Variants in CALCR observed in about 807,000 individuals in gnomAD.
CALCR encodes calcitonin receptor.
Under a neutral mutation model 59.5 loss-of-function variants are expected in CALCR, and 47 were observed. That is an observed-to-expected ratio of 0.79 (90% confidence interval 0.63 to 1.01). The LOEUF is 1.01. Ranked by LOEUF, CALCR falls within the 50% of genes least tolerant of loss-of-function variation. The pLI is 0.00. For missense variants in CALCR, 566 were observed against 597.1 expected (o/e 0.95, Z 0.54); for synonymous variants, 213 against 211.3 (o/e 1.01, Z -0.07).
At chr7:93,485,235 C>A (rs1800915692) in intron 3 of CALCR, among the ~76,000 whole-genome samples, 1 of 151,516 alleles carries the variant, frequency 6.6e-6, no homozygotes, top group Non-Finnish European at 1.5e-5. Flanking sequence ...AGCACAAACC[C>A]ATTTAAGTGC....
At position 93,528,241 on chromosome 7, in the gene CALCR, A is replaced by G. The variant is rs547935435; in HGVS notation, c.-26-41234T>C. 7.9e-5 allele frequency among the ~76,000 whole-genome samples: 12 copies of G among 152,336 alleles called. No individual in the cohort carries two copies. In the East Asian group the frequency reaches 2.1e-3, roughly 27 times the overall value. On this transcript the variant is annotated intron_variant, in intron 2 of 13. Coordinates refer to ENST00000426151, the MANE Select transcript of CALCR (RefSeq NM_001742.4). ...GCCTAGAACAATGTCTGTTCAAAGT[A>G]CATGCTCAATAAGTATTTGGAATAT...
At chr7:93,569,760 G>A (rs1389906330) in intron 2 of CALCR, among the ~76,000 whole-genome samples, 1 of 152,100 alleles carries the variant, frequency 6.6e-6, no homozygotes, top group East Asian at 1.9e-4. Flanking sequence ...ATGGAAATTT[G>A]TTAGATGTGT....
At chr7:93,447,729 T>C (rs936783967) in intron 8 of CALCR, among the ~76,000 whole-genome samples, 1 of 152,108 alleles carries the variant, frequency 6.6e-6, no homozygotes, top group African/African-American at 2.4e-5. Flanking sequence ...TAAGGAATAC[T>C]ATCTTGCCAT....
chr7:93,470,832 A>G (rs1004688727), intron 6 of CALCR, among the ~76,000 whole-genome samples: 3 of 151,656 alleles, frequency 2.0e-5, no homozygotes, highest in African/African-American at 7.3e-5. Flanking sequence ...TGTGCAGGTT[A>G]GTTACATATG....
intron 2 of CALCR, among the ~76,000 whole-genome samples, chr7:93,572,995 T>C (rs1790040953): frequency 6.6e-6 from 1 of 152,152 alleles, no homozygotes; most frequent in Non-Finnish European, 1.5e-5. Context: ...GGCTGATGGA[T>C]GTTTTGAGTT....
rs1156506688 is a variant in CALCR at position 93,540,721 on chromosome 7, A to ATATATTTATATTATATAATAT, written c.-27+33547_-27+33567dup. ...TTATATATTATATTTTATATATATT[A>ATATATTTATATTATATAATAT]TATATTTATATTATATAATATTATA... is the stretch of plus-strand genomic sequence containing the variant. On this transcript the variant is annotated intron_variant, in intron 2 of 13. Coordinates refer to ENST00000426151, the MANE Select transcript of CALCR (RefSeq NM_001742.4). Among the ~76,000 whole-genome samples, 249 of 59,946 alleles carry ATATATTTATATTATATAATAT rather than the reference A, an allele frequency of 4.2e-3. 1 individual carries two copies. The Middle Eastern group carries it at 0.048, about 12-fold the overall frequency. The allele number at this position is 59,946 out of a possible 152,430, so 39.3% of individuals were successfully genotyped here.
At chr7:93,470,258 T>C (rs548460265) in intron 6 of CALCR, among the ~76,000 whole-genome samples, 1 of 147,720 alleles carries the variant, frequency 6.8e-6, no homozygotes, top group Non-Finnish European at 1.5e-5. Flanking sequence ...AGGAATCTTA[T>C]ACACACACAC....
At chr7:93,566,360 G>A (rs2116281075) in intron 2 of CALCR, among the ~76,000 whole-genome samples, 1 of 152,176 alleles carries the variant, frequency 6.6e-6, no homozygotes. Context: ...CTGGAATTTG[G>A]TTATAGGTAT....
At chr7:93,484,066 G>A (rs769303826) in intron 3 of CALCR, 2 of 477,986 alleles carry the variant, frequency 4.2e-6, no homozygotes, top group Non-Finnish European at 9.0e-6. Flanking sequence ...TTTTTCAGTC[G>A]ACAAATACTT....
At chr7:93,460,560 A>ATATATATATATAT (rs1800296863) in intron 8 of CALCR, among the ~76,000 whole-genome samples, 1 of 79,914 alleles carries the variant, frequency 1.3e-5, no homozygotes, top group African/African-American at 8.9e-5. Flanking sequence ...TATCTAAAAA[A>ATATATATATATAT]AAAAAAAAAA....
At chr7:93,571,325 T>C (rs1014036806) in intron 2 of CALCR, among the ~76,000 whole-genome samples, 2 of 152,282 alleles carry the variant, frequency 1.3e-5, no homozygotes, top group Admixed American at 6.5e-5. Flanking sequence ...ATATGACTTA[T>C]TTGTCTATGT....
intron 2 of CALCR, among the ~76,000 whole-genome samples, chr7:93,499,041 G>T (rs527551999): frequency 6.6e-6 from 1 of 151,680 alleles, no homozygotes; most frequent in African/African-American, 2.4e-5. Flanking sequence ...ATCTTTCTGG[G>T]CATGCATTTC....
chr7:93,502,356 A>C (rs930977882), intron 2 of CALCR, among the ~76,000 whole-genome samples: 11 of 152,188 alleles, frequency 7.2e-5, no homozygotes, highest in African/African-American at 2.7e-4. Context: ...AACAGTTCTT[A>C]CTTCAAAATC....
At chr7:93,517,239 A>C (rs1801668383) in intron 2 of CALCR, among the ~76,000 whole-genome samples, 1 of 151,828 alleles carries the variant, frequency 6.6e-6, no homozygotes, top group Non-Finnish European at 1.5e-5. Context: ...TTCTAACCTC[A>C]GGAAATCTGA....
At chr7:93,558,777 G>T (rs1789669705) in intron 2 of CALCR, among the ~76,000 whole-genome samples, 1 of 152,086 alleles carries the variant, frequency 6.6e-6, no homozygotes, top group South Asian at 2.1e-4. Context: ...TTGAACTGTG[G>T]AAACGATGGG....
intron 7 of CALCR, among the ~76,000 whole-genome samples, chr7:93,465,023 AC>A (rs1178025316): frequency 6.6e-6 from 1 of 151,970 alleles, no homozygotes; most frequent in Non-Finnish European, 1.5e-5. Flanking sequence ...CGTAATGTAG[AC>A]AATAAAATGA....
At chr7:93,476,569 A>G (rs1160387266) in intron 5 of CALCR, among the ~76,000 whole-genome samples, 1 of 151,860 alleles carries the variant, frequency 6.6e-6, no homozygotes, top group Non-Finnish European at 1.5e-5. Flanking sequence ...CAGGCTGAAA[A>G]GATGGATCGA....
intron 9 of CALCR, among the ~76,000 whole-genome samples, chr7:93,439,966 T>C (rs1209668883): frequency 1.3e-5 from 2 of 152,176 alleles, no homozygotes; most frequent in Non-Finnish European, 2.9e-5. Context: ...AACCATTCTT[T>C]GATTTTCTGT....
chr7:93,450,637 C>T (rs1216954781), intron 8 of CALCR, among the ~76,000 whole-genome samples: 12 of 151,980 alleles, frequency 7.9e-5, no homozygotes. Flanking sequence ...GAACTCTACT[C>T]ACAACTATCT....
Sources: allele counts gnomAD v4.1 joint callset (sites outside exome capture counted in the v4.1 genomes callset), GRCh38; gene constraint gnomAD v4.1.1; transcripts MANE v1.5; gene names NCBI Gene and HGNC (gene_info 2026-07-23, HGNC 2026-07-21).